Variants in ZZEF1 observed in about 807,000 individuals in gnomAD.
ZZEF1 encodes zinc finger ZZ-type and EF-hand domain-containing protein 1.
ZZEF1 carries 157 observed loss-of-function variants against 342.8 expected under a neutral mutation model. The observed-to-expected ratio is 0.46, with a 90% CI of 0.40 to 0.52. ZZEF1 has a LOEUF of 0.52. ZZEF1 is among the 20% of genes least tolerant of loss of function. ZZEF1 has a pLI of 0.00. For missense variants in ZZEF1, 3,480 were observed against 3,725.6 expected (o/e 0.93, Z 1.72); for synonymous variants, 1,505 against 1,429.1 (o/e 1.05, Z -1.20).
rs1350906760 is a variant in ZZEF1 at position 4,142,811 on chromosome 17, C to A, written c.85G>T (p.Ala29Ser). 1.4e-6 allele frequency: 2 copies of A among 1,402,170 alleles called. No individual in the cohort carries two copies. The highest frequency in any genetic ancestry group is 7.6e-5 in the Admixed American group (2 of 26,442). 86.9% of individuals were successfully genotyped at this position (1,402,170 alleles called of 1,614,324 possible). ...GGGCCGGGGGTCGTGCCCGAGACCG[C>A]GGCCCAGTCCTGGTGTGGGCCCCAG... ...EGWGPHQDWA[A>S]VSGTTPGPGV... The change falls in exon 1 of 55, where the codon GCG (alanine) becomes TCG (serine). Residue 29 changes from alanine (A) to serine (S), a missense_variant. Physicochemically the swap from Ala to Ser is moderately conservative, Grantham distance 99. This residue lies in a region of ZZEF1 where 416 missense variants were observed against 374.2 expected (regional missense o/e 1.11). Transcript: ENST00000381638.
At chr17:4,099,394 T>A (rs1482415879) in intron 9 of ZZEF1, among the ~76,000 whole-genome samples, 1 of 152,032 alleles carries the variant, frequency 6.6e-6, no homozygotes, top group Non-Finnish European at 1.5e-5. Flanking sequence ...ATTTTTTATT[T>A]CATTTTTTGT....
At chr17:4,100,466 A>T (rs2058108416) in intron 9 of ZZEF1, among the ~76,000 whole-genome samples, 1 of 152,200 alleles carries the variant, frequency 6.6e-6, no homozygotes, top group Non-Finnish European at 1.5e-5. Flanking sequence ...GAGGGGAAAA[A>T]GCAGGAAGGA....
At chr17:4,019,565 G>A (rs927599592) in intron 46 of ZZEF1, 104 bp downstream of exon 46, 39 of 1,021,436 alleles carry the variant, frequency 3.8e-5, no homozygotes, top group South Asian at 1.6e-4. Context: ...CCGGCCTGTC[G>A]GAGCGTCGAT....
At chr17:4,019,615 C>T in intron 46 of ZZEF1, 54 bp downstream of exon 46, 1 of 1,516,770 alleles carries the variant, frequency 6.6e-7, no homozygotes. Context: ...CACCCTCCCG[C>T]CCTCACATAT....
At chr17:4,060,441 T>C (rs1476302070) in intron 30 of ZZEF1, among the ~76,000 whole-genome samples, 1 of 151,848 alleles carries the variant, frequency 6.6e-6, no homozygotes, top group Non-Finnish European at 1.5e-5. Flanking sequence ...GGCACACACT[T>C]AGGAGGCCAA....
chr17:4,061,282 T>C lies in ZZEF1; in HGVS notation c.4883+1471A>G, dbSNP rs575084845. ...TGAGATCCATTCTTCTCTTGACTTC[T>C]GGGACAACAGCATCCCCTGGTTTTT... On this transcript the variant is annotated intron_variant, in intron 30 of 54. Coordinates refer to ENST00000381638, the MANE Select transcript of ZZEF1 (RefSeq NM_015113.4). 2.7e-4 allele frequency among the ~76,000 whole-genome samples: 41 copies of C among 152,358 alleles called. 1 individual carries two copies. The Middle Eastern group carries it at 0.01, about 38-fold the overall frequency.
intron 2 of ZZEF1, among the ~76,000 whole-genome samples, chr17:4,121,332 A>G (rs2058479394): frequency 6.6e-6 from 1 of 152,194 alleles, no homozygotes; most frequent in Non-Finnish European, 1.5e-5. Context: ...AGCTAGCTAA[A>G]GATAATTCAG....
At chr17:4,112,957 T>C (rs1175577444) in intron 4 of ZZEF1, 149 bp from the exon 5 acceptor site, 1 of 650,208 alleles carries the variant, frequency 1.5e-6, no homozygotes, top group Non-Finnish European at 2.5e-6. Context: ...GGCTATGAGT[T>C]TCAAAGTCCT....
chr17:4,019,788 C>T lies in ZZEF1; in HGVS notation c.7405-19G>A, dbSNP rs778612261. 3.2e-5 allele frequency: 51 copies of T among 1,585,036 alleles called. No homozygotes were observed. The highest frequency in any genetic ancestry group is 3.1e-4 in the Admixed American group (17 of 54,772). ...GAGCCATCTGGAGGCCAGGGGAGGA[C>T]GCAGACAAGAACCATTAACAGTGCT... On this transcript the variant is annotated intron_variant, in intron 45 of 54. Coordinates refer to ENST00000381638, the MANE Select transcript of ZZEF1 (RefSeq NM_015113.4).
chr17:4,076,462 C>A, intron 21 of ZZEF1, 175 bp downstream of exon 21: 2 of 778,512 alleles, frequency 2.6e-6, no homozygotes, highest in Non-Finnish European at 3.9e-6. Context: ...GCTGACCAGG[C>A]CACATCGACT....
intron 39 of ZZEF1, among the ~76,000 whole-genome samples, chr17:4,036,763 T>C (rs1282599743): frequency 6.9e-6 from 1 of 144,690 alleles, no homozygotes; most frequent in East Asian, 2.0e-4. Context: ...CTGCTCTAAA[T>C]AAATATATAG....
Position 4,117,045 on chromosome 17 carries a change from G to C in ZZEF1, c.621C>G (p.His207Gln), listed in dbSNP as rs770713802. The C allele has an allele frequency of 9.9e-6, 16 of 1,613,988 alleles. 1 individual carries two copies. The South Asian group carries it at 1.8e-4, about 18-fold the overall frequency. The change falls in exon 3 of 55, where the codon CAC (histidine) becomes CAG (glutamine). Residue 207 changes from histidine (H) to glutamine (Q), a missense_variant. Physicochemically the swap from His to Gln is conservative, Grantham distance 24. Around this residue, in one of 5 missense-constraint regions of ZZEF1, gnomAD observed 416 missense variants for 374.2 expected, o/e 1.11. Coordinates refer to ENST00000381638, the MANE Select transcript of ZZEF1 (RefSeq NM_015113.4). Reference sequence around the variant, plus strand: ...ACCGCATGGTGCACATGTTATTGCAGTGCTCCAGCATCGGGTAGGGCATCA... The same window carrying C: ...ACCGCATGGTGCACATGTTATTGCACTGCTCCAGCATCGGGTAGGGCATCA... ...SAVMPYPMLE[H>Q]CNNMCTMRSS...
intron 1 of ZZEF1, 40 bp from the exon 2 acceptor site, chr17:4,124,091 A>C (rs377169722): frequency 6.4e-7 from 1 of 1,569,042 alleles, no homozygotes; most frequent in African/African-American, 1.4e-5. Flanking sequence ...GGCTGTTTCA[A>C]GTAAACGAGG....
At chr17:4,095,799 C>G (rs1487423071) in intron 11 of ZZEF1, 32 bp downstream of exon 11, 2 of 1,582,288 alleles carry the variant, frequency 1.3e-6, no homozygotes, top group Admixed American at 3.6e-5. Context: ...TTCTGTAGAT[C>G]TTTGTTCTAC....
At chr17:4,039,797 C>A (rs1227943315) in intron 39 of ZZEF1, among the ~76,000 whole-genome samples, 1 of 151,922 alleles carries the variant, frequency 6.6e-6, no homozygotes, top group African/African-American at 2.4e-5. Context: ...GCGCCCGCCA[C>A]CACGCCTGGC....
intron 1 of ZZEF1, among the ~76,000 whole-genome samples, chr17:4,127,879 A>C (rs1024237631): frequency 1.3e-5 from 2 of 152,338 alleles, no homozygotes; most frequent in Admixed American, 6.5e-5. Context: ...TATAGCCGCC[A>C]ACACTGGGGA....
At chr17:4,079,582 A>G (rs1256776778) in intron 18 of ZZEF1, among the ~76,000 whole-genome samples, 1 of 152,220 alleles carries the variant, frequency 6.6e-6, no homozygotes, top group Non-Finnish European at 1.5e-5. Flanking sequence ...ACAGCAAAAA[A>G]TAGAGCATAG....
At chr17:4,087,677 A>C (rs982484485) in intron 13 of ZZEF1, 143 bp from the exon 14 acceptor site, 32 of 728,804 alleles carry the variant, frequency 4.4e-5, no homozygotes, top group Non-Finnish European at 6.3e-5. Context: ...CTTACTCTTA[A>C]CTACAAAAAG....
At chr17:4,074,802 T>C (rs149371925) in intron 23 of ZZEF1, among the ~76,000 whole-genome samples, 2 of 152,380 alleles carry the variant, frequency 1.3e-5, no homozygotes, top group African/African-American at 4.8e-5. Flanking sequence ...TTGCTAAGGA[T>C]GAAGGCTCTT....
Sources: gnomAD v4.1 joint callset for allele counts (sites outside exome capture counted in the v4.1 genomes callset) on GRCh38, gnomAD v4.1.1 for gene constraint, gnomAD v4.1.1 regional missense constraint, MANE v1.5 for transcripts, NCBI Gene and HGNC (gene_info 2026-07-23, HGNC 2026-07-21) for gene names.